STRA6: variants seen among roughly 807,000 people sequenced by gnomAD.
STRA6 encodes receptor for retinol uptake STRA6.
STRA6 carries 48 observed loss-of-function variants against 83.6 expected under a neutral mutation model. The observed-to-expected ratio is 0.57, with a 90% confidence interval of 0.46 to 0.73. The LOEUF is 0.73. Among genes scored for constraint, STRA6 ranks in the 30% least tolerant of loss-of-function variants. STRA6 has a pLI of 0.00. For synonymous variants in STRA6, 353 were observed against 362.3 expected (o/e 0.97, Z 0.29); for missense variants, 760 against 838.8 (o/e 0.91, Z 1.16).
At position 74,197,808 on chromosome 15, in the gene STRA6, A is replaced by T. The variant is rs79081338; in HGVS notation, c.124T>A (p.Ser42Thr). ...CCGGGTGGTATGCTGGTGTGGCAGG[A>T]GGGCACTTCCCTGCAGAGCAAATGA... Reference protein sequence around the residue: ...EELQPEGEVPSCHTSIPPGLY... With the variant: ...EELQPEGEVPTCHTSIPPGLY... Residue 42 changes from serine (S) to threonine (T), a missense_variant, in exon 3 of 19, where the codon TCC (serine) becomes ACC (threonine). By Grantham distance (58) the Ser-to-Thr change is moderately conservative (BLOSUM62 1). Coordinates refer to ENST00000395105, the MANE Select transcript of STRA6 (RefSeq NM_022369.4). The T allele has an allele frequency of 6.2e-7, 1 of 1,610,928 alleles. No individual in the cohort carries two copies. The highest frequency in any genetic ancestry group is 1.3e-5 in the African/African-American group (1 of 74,998).
At chr15:74,208,074 G>C (rs192575050) in intron 1 of STRA6, 1 of 1,239,728 alleles carries the variant, frequency 8.1e-7, no homozygotes, top group Non-Finnish European at 1.0e-6. Context: ...AGACCAGGCT[G>C]TTCTGGTATG....
upstream of STRA6, chr15:74,209,611 G>A (rs777923813): frequency 1.6e-6 from 1 of 633,798 alleles, no homozygotes; most frequent in Non-Finnish European, 2.7e-6. Context: ...TCACAGACAG[G>A]CTGGGGTTCT....
upstream of STRA6, among the ~76,000 whole-genome samples, chr15:74,211,029 A>G (rs2074359977): frequency 6.6e-6 from 1 of 152,080 alleles, no homozygotes; most frequent in African/African-American, 2.4e-5. Flanking sequence ...CTCCTGCTGT[A>G]CCCCAGACTC....
intron 18 of STRA6, 50 bp downstream of exon 18, chr15:74,180,732 A>C (rs12912578): frequency 1.6e-5 from 25 of 1,563,312 alleles, no homozygotes; most frequent in Non-Finnish European, 2.0e-5. Flanking sequence ...CATCCTTCCT[A>C]GAAGAAGCTG....
chr15:74,191,119 G>T, intron 10 of STRA6, 48 bp downstream of exon 10: 1 of 1,606,276 alleles, frequency 6.2e-7, no homozygotes, highest in Non-Finnish European at 8.5e-7. Context: ...CTGTGCAAGG[G>T]AGGGTAACGT....
At chr15:74,181,259 C>T (rs766612045) in intron 17 of STRA6, 36 bp downstream of exon 17, 2 of 1,610,054 alleles carry the variant, frequency 1.2e-6, no homozygotes, top group East Asian at 2.2e-5. Context: ...GCTTGGGTAG[C>T]CTGAGCAATC....
chr15:74,200,833 T>G (rs1595862347), intron 2 of STRA6, among the ~76,000 whole-genome samples: 2 of 152,346 alleles, frequency 1.3e-5, no homozygotes, highest in South Asian at 4.1e-4. Flanking sequence ...GTGCCTGACA[T>G]ACACACAACT....
chr15:74,205,150 G>T (rs1225206866), upstream of STRA6, among the ~76,000 whole-genome samples: 2 of 152,144 alleles, frequency 1.3e-5, no homozygotes, highest in Admixed American at 6.5e-5. Flanking sequence ...GAGACAAGGT[G>T]GTCAGGGAAG....
Position 74,180,228 on chromosome 15 carries a change from T to C in STRA6, c.1856A>G (p.Gln619Arg). 1 of 1,614,118 alleles carries C rather than the reference T, an allele frequency of 6.2e-7. No individual in the cohort carries two copies. The highest frequency in any genetic ancestry group is 1.1e-5 in the South Asian group (1 of 91,084). Residue 619 changes from glutamine to arginine, a missense_variant, in exon 19 of 19, where the codon CAG becomes CGG. Transcript: ENST00000395105. The stretch of plus-strand genomic sequence containing the variant: ...TCCCTTGGCCATGGAGTCCTTTGTC[T>C]GTAGCAGCTGCATCCCTGAGAGAGA... ...GEEDEGMQLL[Q>R]TKDSMAKGAR...
At position 74,182,423 on chromosome 15, in the gene STRA6, G is replaced by A; in HGVS notation, c.1338C>T (p.Thr446=). ...TGAGCACCAGGAAGGCCAGGGCCGT[G>A]GTTCCCAGGAAGAAGATGATCTGCT... The part of the protein sequence containing the change: ...LVQQIIFFLG[T]TALAFLVLMP... Residue 446 remains threonine (T), a synonymous_variant, in exon 15 of 19, where the codon ACC becomes ACT. Coordinates refer to ENST00000395105, the MANE Select transcript of STRA6 (RefSeq NM_022369.4). The A allele has an allele frequency of 1.2e-6, 2 of 1,612,020 alleles. No homozygotes were observed. The highest frequency in any genetic ancestry group is 8.5e-7 in the Non-Finnish European group (1 of 1,179,114).
At chr15:74,196,573 C>A (rs1262945189) in intron 4 of STRA6, among the ~76,000 whole-genome samples, 3 of 152,208 alleles carry the variant, frequency 2.0e-5, no homozygotes, top group African/African-American at 4.8e-5. Context: ...AGGCATCACC[C>A]TTCTGGGCTC....
In STRA6 at chr15:74,180,794, C is replaced by G; in HGVS notation, c.1828G>C (p.Glu610Gln). 4 of 1,609,500 alleles carry G rather than the reference C, an allele frequency of 2.5e-6. No homozygotes were observed. The highest frequency in any genetic ancestry group is 3.4e-6 in the Non-Finnish European group (4 of 1,176,320). The change falls in exon 18 of 19, where the codon GAG becomes CAG. Residue 610 changes from glutamate (E) to glutamine (Q), a missense_variant. Physicochemically the swap from Glu to Gln is conservative, Grantham distance 29. Transcript: ENST00000395105. ...AAPQDSLRPGEEDEGMQLLQT... is the reference protein window; with the variant it reads ...AAPQDSLRPGQEDEGMQLLQT... ...TGGGAGGGCGCACCTTCGTCTTCCT[C>G]CCCTGGTCTGAGGCTGTCCTGGGGG... is the stretch of plus-strand genomic sequence containing the variant.
chr15:74,191,060 G>C, intron 10 of STRA6, 107 bp downstream of exon 10: 1 of 1,567,886 alleles, frequency 6.4e-7, no homozygotes, highest in Non-Finnish European at 8.6e-7. Flanking sequence ...TGTCCCTCTT[G>C]ATGACAAGGA....
intron 8 of STRA6, 144 bp downstream of exon 8, chr15:74,193,656 C>A (rs186035881): frequency 4.3e-6 from 6 of 1,388,858 alleles, no homozygotes; most frequent in Non-Finnish European, 6.0e-6. Context: ...GAGGACTAAG[C>A]AGTCACTCAG....
chr15:74,202,601 GCGTGTGTT>G, intron 1 of STRA6, 104 bp downstream of exon 1: 1 of 1,455,804 alleles, frequency 6.9e-7, no homozygotes, highest in Non-Finnish European at 9.0e-7. Context: ...CCACCAGCAG[GCGTGTGTT>G]CAAAGGACCA....
chr15:74,206,590 T>G (rs1384815252), upstream of STRA6, among the ~76,000 whole-genome samples: 2 of 152,108 alleles, frequency 1.3e-5, no homozygotes, highest in African/African-American at 2.4e-5. Flanking sequence ...AGCCCTGCCC[T>G]CAGGAGAGCA....
At chr15:74,192,872 C>T (rs1461926145) in intron 8 of STRA6, among the ~76,000 whole-genome samples, 1 of 152,214 alleles carries the variant, frequency 6.6e-6, no homozygotes, top group Non-Finnish European at 1.5e-5. Flanking sequence ...GTCCCAACAC[C>T]CGGTGCAGGT....
At chr15:74,195,494 C>A in intron 6 of STRA6, 26 bp from the exon 7 acceptor site, 1 of 1,610,988 alleles carries the variant, frequency 6.2e-7, no homozygotes, top group Non-Finnish European at 8.5e-7. Flanking sequence ...AGCAGAGAGA[C>A]CCATGCTGGA....
chr15:74,207,479 G>T (rs2074285264), upstream of STRA6, among the ~76,000 whole-genome samples: 1 of 152,138 alleles, frequency 6.6e-6, no homozygotes, highest in African/African-American at 2.4e-5. Flanking sequence ...ATCAACCACA[G>T]ATTGGAACAA....
Sources: allele counts gnomAD v4.1 joint callset (sites outside exome capture counted in the v4.1 genomes callset), GRCh38; gene constraint gnomAD v4.1.1; transcripts MANE v1.5; gene names NCBI Gene and HGNC (gene_info 2026-07-23, HGNC 2026-07-21).